The following NLGN1 variants were observed in gnomAD, a reference collection of about 807,000 sequenced individuals.
NLGN1 encodes the protein neuroligin 1.
A neutral mutation model predicts 65.5 loss-of-function variants in NLGN1; 12 were observed. That is an observed-to-expected ratio of 0.18 (90% confidence interval 0.12 to 0.30). The LOEUF (loss-of-function observed/expected upper bound fraction) is 0.30, where lower values mean the gene tolerates loss of function less well. Among genes scored for constraint, NLGN1 ranks in the 10% least tolerant of loss-of-function variants. NLGN1 has a pLI of 1.00. For synonymous variants in NLGN1, 350 were observed against 359.5 expected, an observed-to-expected ratio of 0.97 and a Z score of 0.30; for missense variants, 750 against 1,007.1, an observed-to-expected ratio of 0.74 and a Z score of 3.46.
intron 4 of NLGN1, among the ~76,000 whole-genome samples, chr3:174,272,444 C>T (rs1241064418): frequency 1.3e-5 from 2 of 151,760 alleles, no homozygotes; most frequent in African/African-American, 4.8e-5. Flanking sequence ...GTGCCTTTAA[C>T]TTACCCACAG....
chr3:174,151,573 AGATT>A (rs1187068744), intron 4 of NLGN1, among the ~76,000 whole-genome samples: 1 of 126,920 alleles, frequency 7.9e-6, no homozygotes, highest in Non-Finnish European at 1.6e-5. Flanking sequence ...TATGACAGAC[AGATT>A]AAGTTTCTAT....
intron 4 of NLGN1, among the ~76,000 whole-genome samples, chr3:173,875,745 A>G (rs1731994839): frequency 6.6e-6 from 1 of 152,216 alleles, no homozygotes; most frequent in Non-Finnish European, 1.5e-5. Flanking sequence ...TTAACAGGAT[A>G]GAGACCCTAG....
At chr3:173,438,186 G>A in intron 2 of NLGN1, among the ~76,000 whole-genome samples, 1 of 143,878 alleles carries the variant, frequency 7.0e-6, no homozygotes, top group East Asian at 1.9e-4. Flanking sequence ...CTTTAATGGT[G>A]GTTTTTTCCC....
chr3:174,213,889 G>T (rs1470051391), intron 4 of NLGN1, among the ~76,000 whole-genome samples: 1 of 152,060 alleles, frequency 6.6e-6, no homozygotes, highest in Non-Finnish European at 1.5e-5. Flanking sequence ...TAAGATTAGG[G>T]ATAAAACACT....
intron 4 of NLGN1, among the ~76,000 whole-genome samples, chr3:174,041,856 C>T (rs1361762577): frequency 6.6e-6 from 1 of 152,150 alleles, no homozygotes; most frequent in Non-Finnish European, 1.5e-5. Flanking sequence ...GAGTTTGAGA[C>T]CAGCCTGACC....
chr3:173,643,332 A>G (rs1047108065), intron 3 of NLGN1, among the ~76,000 whole-genome samples: 6 of 152,224 alleles, frequency 3.9e-5, no homozygotes, highest in Non-Finnish European at 5.9e-5. Flanking sequence ...AAGTTCTATG[A>G]GCCCCAATCA....
chr3:173,745,426 A>G (rs76868467), intron 3 of NLGN1, among the ~76,000 whole-genome samples: 4,273 of 152,226 alleles, frequency 0.028, 59 homozygotes, highest in Non-Finnish European at 0.043. Flanking sequence ...TTAATTAAAT[A>G]AATTAATTAG....
At chr3:173,878,290 T>G (rs1246068107) in intron 4 of NLGN1, among the ~76,000 whole-genome samples, 1 of 152,154 alleles carries the variant, frequency 6.6e-6, no homozygotes, top group Admixed American at 6.6e-5. Flanking sequence ...TCCCCCTGCT[T>G]GGGCCTCTCA....
chr3:173,877,649 T>G (rs910553713), intron 4 of NLGN1, among the ~76,000 whole-genome samples: 4 of 152,198 alleles, frequency 2.6e-5, no homozygotes, highest in African/African-American at 9.7e-5. Flanking sequence ...GTGGGAACTT[T>G]CTGTACTATT....
intron 1 of NLGN1, among the ~76,000 whole-genome samples, chr3:173,428,739 T>G (rs1716622323): frequency 6.6e-6 from 1 of 152,118 alleles, no homozygotes; most frequent in Non-Finnish European, 1.5e-5. Context: ...TTCCATTGTT[T>G]TATACTTTCA....
chr3:174,079,136 G>T (rs955077099), intron 4 of NLGN1, among the ~76,000 whole-genome samples: 30 of 151,770 alleles, frequency 2.0e-4, no homozygotes, highest in Non-Finnish European at 4.3e-4. Flanking sequence ...TGTAAATTAT[G>T]CATTTGATAA....
intron 2 of NLGN1, among the ~76,000 whole-genome samples, chr3:173,487,048 C>T (rs1376896303): frequency 6.6e-6 from 1 of 151,540 alleles, no homozygotes; most frequent in African/African-American, 2.4e-5. Flanking sequence ...GAAGAAGCTT[C>T]TTTCTAATAA....
At chr3:173,650,553 C>A (rs953931682) in intron 3 of NLGN1, among the ~76,000 whole-genome samples, 1 of 152,126 alleles carries the variant, frequency 6.6e-6, no homozygotes, top group Non-Finnish European at 1.5e-5. Flanking sequence ...AATGGTATCA[C>A]ATTGTGCATT....
chr3:173,802,844 C>CTT (rs35414458), intron 3 of NLGN1, among the ~76,000 whole-genome samples: 3,431 of 142,458 alleles, frequency 0.024, 108 homozygotes, highest in East Asian at 0.17. Flanking sequence ...GAATGTATAT[C>CTT]TTTTTTTTTT....
At chr3:174,265,328 T>G (rs4352385) in intron 4 of NLGN1, among the ~76,000 whole-genome samples, 2 of 150,884 alleles carry the variant, frequency 1.3e-5, no homozygotes, top group African/African-American at 4.9e-5. Flanking sequence ...TAGCAATCAG[T>G]GAGACTCCGT....
chr3:173,546,675 C>T (rs1366324846), intron 2 of NLGN1, among the ~76,000 whole-genome samples: 2 of 152,054 alleles, frequency 1.3e-5, no homozygotes, highest in Admixed American at 6.5e-5. Context: ...GTATGATAAG[C>T]CTTGGCAGCT....
chr3:173,997,497 TC>T (rs1202521332), intron 4 of NLGN1, among the ~76,000 whole-genome samples: 1 of 152,190 alleles, frequency 6.6e-6, no homozygotes, highest in Admixed American at 6.5e-5. Context: ...TAATGAGATT[TC>T]CAGGGCTCAT....
At chr3:173,472,808 A>G (rs896580225) in intron 2 of NLGN1, among the ~76,000 whole-genome samples, 2 of 152,144 alleles carry the variant, frequency 1.3e-5, no homozygotes, top group African/African-American at 4.8e-5. Flanking sequence ...TCGACCTAAA[A>G]AAGAATTGTC....
At chr3:174,156,925 A>C in intron 4 of NLGN1, among the ~76,000 whole-genome samples, 1 of 151,216 alleles carries the variant, frequency 6.6e-6, no homozygotes, top group Admixed American at 6.6e-5. Flanking sequence ...ATTCATTTTA[A>C]ATTGCGTGAT....
Sources: allele counts gnomAD v4.1 joint callset (sites outside exome capture counted in the v4.1 genomes callset), GRCh38; gene constraint gnomAD v4.1.1; transcripts MANE v1.5; gene names NCBI Gene and HGNC (gene_info 2026-07-23, HGNC 2026-07-21).